LAMA1: variants seen among roughly 807,000 people sequenced by gnomAD.
LAMA1 encodes laminin subunit alpha-1.
LAMA1 carries 219 observed loss-of-function variants against 348.7 expected under a neutral mutation model. The ratio of observed to expected loss-of-function variants is 0.63; its 90% CI spans 0.56 to 0.70. The LOEUF (loss-of-function observed/expected upper bound fraction) is 0.70, where lower values mean the gene tolerates loss of function less well. Among genes scored for constraint, LAMA1 ranks in the 30% least tolerant of loss-of-function variants. The pLI is 0.00. For synonymous variants in LAMA1, 1,487 were observed against 1,491.0 expected, an observed-to-expected ratio of 1.00 and a Z score of 0.06; for missense variants, 3,744 against 3,888.0, an observed-to-expected ratio of 0.96 and a Z score of 0.99.
Position 7,110,825 on chromosome 18 carries a change from G to C in LAMA1, c.61+6835C>G, listed in dbSNP as rs774109414. ...AACAGAGTGAGACTCCATGTCAAAG[G>C]AAAAAACAAAGAAAAAAGTATGGTG... is the stretch of plus-strand genomic sequence containing the variant. On this transcript the variant is annotated intron_variant, in intron 1 of 62. Transcript: ENST00000389658. Among the ~76,000 whole-genome samples the C allele has an allele frequency of 4.6e-5, 7 of 151,766 alleles. 1 individual carries two copies. Among genetic ancestry groups the C allele is most frequent in the Non-Finnish European group, 5.9e-5 (4 of 67,944 alleles).
chr18:7,002,581 A>T (rs1026074921), intron 29 of LAMA1, among the ~76,000 whole-genome samples, 196 bp from the exon 30 acceptor site: 2 of 152,202 alleles, frequency 1.3e-5, no homozygotes, highest in Admixed American at 6.5e-5. Context: ...ATTCATCCTA[A>T]GGCTGCATTC....
chr18:6,960,890 C>T (rs1033087121), intron 53 of LAMA1, among the ~76,000 whole-genome samples: 2 of 149,204 alleles, frequency 1.3e-5, no homozygotes, highest in African/African-American at 2.6e-5. Context: ...CCCCTTGCAG[C>T]ATGGTTGTGA....
At chr18:7,079,646 C>T in intron 3 of LAMA1, 2 of 394,918 alleles carry the variant, frequency 5.1e-6, no homozygotes, top group South Asian at 4.9e-5. Flanking sequence ...GTGTTTTCCC[C>T]CTCTCCCTCC....
chr18:6,961,020 C>T (rs541818870), intron 53 of LAMA1, among the ~76,000 whole-genome samples: 32 of 152,188 alleles, frequency 2.1e-4, no homozygotes, highest in Admixed American at 6.5e-4. Flanking sequence ...AAAGTCTCTT[C>T]AAATTATGTG....
intron 46 of LAMA1, among the ~76,000 whole-genome samples, chr18:6,973,546 A>C (rs1276167479): frequency 6.6e-6 from 1 of 152,260 alleles, no homozygotes; most frequent in African/African-American, 2.4e-5. Context: ...ACATACACTT[A>C]AAGCTGCTCA....
In LAMA1 at chr18:7,011,603, A is replaced by T. The variant is rs1003949676; in HGVS notation, c.3508-124T>A. On this transcript the variant is annotated intron_variant, in intron 24 of 62. Transcript: ENST00000389658. ...TTCATTATTAAAACAGAAACAGTAA[A>T]GACTTTTCCTTTAAACTAAACATCT... is the stretch of plus-strand genomic sequence containing the variant. 52 of 1,016,430 alleles carry T rather than the reference A, an allele frequency of 5.1e-5. No individual in the cohort carries two copies. The African/African-American group carries it at 7.9e-4, about 15-fold the overall frequency. The allele number at this position is 1,016,430 out of a possible 1,614,324, so 63.0% of individuals were successfully genotyped here. A position where few individuals can be genotyped will look rare whatever the true frequency, so the allele number is the denominator to read the frequency against.
chr18:7,036,232 T>C (rs552791813), intron 12 of LAMA1, 144 bp from the exon 13 acceptor site: 3 of 710,042 alleles, frequency 4.2e-6, no homozygotes, highest in East Asian at 2.7e-5. Context: ...GAAATTCACA[T>C]TAAAGGCAGT....
intron 31 of LAMA1, 100 bp from the exon 32 acceptor site, chr18:6,999,738 TC>T: frequency 8.1e-7 from 1 of 1,241,840 alleles, no homozygotes; most frequent in Non-Finnish European, 1.2e-6. Flanking sequence ...AAAGCACAGA[TC>T]CATTCACCTT....
At chr18:7,035,961 A>G (rs1215702903) in intron 13 of LAMA1, 26 bp downstream of exon 13, 1 of 1,566,882 alleles carries the variant, frequency 6.4e-7, no homozygotes, top group Non-Finnish European at 8.8e-7. Context: ...TAAGCTCTAT[A>G]GCAGAATCAA....
chr18:7,016,194 C>T (rs979215861), intron 21 of LAMA1, among the ~76,000 whole-genome samples: 4 of 152,300 alleles, frequency 2.6e-5, no homozygotes, highest in African/African-American at 9.6e-5. Flanking sequence ...AACACTTACA[C>T]TAACTTCTCA....
At chr18:6,999,779 G>A (rs973901802) in intron 31 of LAMA1, 132 bp downstream of exon 31, 2 of 1,151,434 alleles carry the variant, frequency 1.7e-6, no homozygotes, top group African/African-American at 1.5e-5. Flanking sequence ...CAGTAATGAG[G>A]TCTTATTTCA....
intron 36 of LAMA1, among the ~76,000 whole-genome samples, chr18:6,991,028 A>G (rs902473043): frequency 2.0e-5 from 3 of 152,150 alleles, no homozygotes; most frequent in African/African-American, 7.2e-5. Flanking sequence ...GGGGCTCCAC[A>G]GACAGCTGCT....
rs2144041756 is a variant in LAMA1, at chr18:6,978,288, C to T, written c.6098G>A (p.Ser2033Asn). 1 of 1,614,226 alleles carries T rather than the reference C, an allele frequency of 6.2e-7. No homozygotes were observed. The highest frequency in any genetic ancestry group is 8.5e-7 in the Non-Finnish European group (1 of 1,180,040). Residue 2033 changes from serine (S) to asparagine (N), a missense_variant, in exon 43 of 63, where the codon AGC (serine) becomes AAC (asparagine). Ser to Asn is a conservative substitution (Grantham distance 46, BLOSUM62 1). Coordinates refer to ENST00000389658, the MANE Select transcript of LAMA1 (RefSeq NM_005559.4). ...GGCAGATGTGTTCAGCAGCTCCTGG[C>T]TCAGCCCCGCCACGTCCCTCAGCGT... ...VSTLRDVAGLSQELLNTSASL... is the reference protein window; with the variant it reads ...VSTLRDVAGLNQELLNTSASL...
At chr18:7,008,988 G>T (rs970011719) in intron 27 of LAMA1, among the ~76,000 whole-genome samples, 10 of 151,782 alleles carry the variant, frequency 6.6e-5, no homozygotes, top group Non-Finnish European at 1.0e-4. Flanking sequence ...TGTTTTTTTT[G>T]CATTTTATCT....
At chr18:6,955,649 C>T (rs2057572985) in intron 56 of LAMA1, 184 bp from the exon 57 acceptor site, 1 of 688,378 alleles carries the variant, frequency 1.5e-6, no homozygotes, top group South Asian at 1.5e-5. Context: ...CTTTATCTCC[C>T]TGAAGAAAGC....
intron 1 of LAMA1, among the ~76,000 whole-genome samples, chr18:7,116,899 C>T (rs1353596681): frequency 6.6e-6 from 1 of 152,126 alleles, no homozygotes; most frequent in Non-Finnish European, 1.5e-5. Context: ...CTGAGTTTCT[C>T]TTCTCAATCC....
In LAMA1 at chr18:7,011,498, G is replaced by A. The variant is rs1166117692; in HGVS notation, c.3508-19C>T. On this transcript the variant is annotated intron_variant, in intron 24 of 62. Transcript: ENST00000389658. ...GCGTTACCTAAACCACGAAAGGAGG[G>A]GAAAGTGCACTTCAAAATGCGAACT... is the stretch of plus-strand genomic sequence containing the variant. 1.3e-6 allele frequency: 2 copies of A among 1,589,216 alleles called. No homozygotes were observed. The highest frequency in any genetic ancestry group is 2.3e-5 in the South Asian group (2 of 87,070).
intron 21 of LAMA1, 152 bp from the exon 22 acceptor site, chr18:7,016,010 A>C: frequency 1.5e-4 from 136 of 891,076 alleles, no homozygotes; most frequent in East Asian, 3.7e-4. Flanking sequence ...TCCATGTCTC[A>C]TGGAGGTAGC....
intron 3 of LAMA1, among the ~76,000 whole-genome samples, chr18:7,077,416 A>C (rs1264604737): frequency 6.6e-6 from 1 of 152,062 alleles, no homozygotes; most frequent in Non-Finnish European, 1.5e-5. Context: ...TGTGTTAGCC[A>C]GGATGGTCTC....
Sources: allele counts gnomAD v4.1 joint callset (sites outside exome capture counted in the v4.1 genomes callset), GRCh38; gene constraint gnomAD v4.1.1; transcripts MANE v1.5; gene names NCBI Gene and HGNC (gene_info 2026-07-23, HGNC 2026-07-21).